FKRP: variants seen among roughly 807,000 people sequenced by gnomAD.
The protein encoded by FKRP is ribitol 5-phosphate transferase FKRP.
In FKRP, 25 loss-of-function variants were observed where a neutral mutation model predicts 30.6. That is an observed-to-expected ratio of 0.82 (90% confidence interval 0.60 to 1.14). The LOEUF is 1.14. Among genes scored for constraint, FKRP ranks in the 50% most tolerant of loss-of-function variants. The probability of loss-of-function intolerance (pLI) is 0.00; values close to 1 mark genes in which losing one functional copy is unlikely to be tolerated. For synonymous variants in FKRP, 358 were observed against 342.5 expected (o/e 1.05, Z -0.50); for missense variants, 771 against 727.8 (o/e 1.06, Z -0.68).
At chr19:46,745,021 T>C (rs2054550957), upstream of FKRP, among the ~76,000 whole-genome samples, 2 of 150,956 alleles carry the variant, frequency 1.3e-5, no homozygotes, top group African/African-American at 2.4e-5. Flanking sequence ...CACAAACATA[T>C]CCCCTTCCCC....
Position 46,755,948 on chromosome 19 carries a change from C to T in FKRP, c.498C>T (p.Ala166=), listed in dbSNP as rs763245394. ...CCCCGGTTGCCACGGCCAACCCTGC[C>T]AGGTGCCTGGCCCTGAACGTCAGCC... is the stretch of plus-strand genomic sequence containing the variant. ...VAAPVATANP[A]RCLALNVSLR... The change falls in exon 4 of 4, where the codon GCC becomes GCT. Residue 166 remains alanine (A), a synonymous_variant. Transcript: ENST00000318584. The T allele has an allele frequency of 6.5e-7, 1 of 1,535,572 alleles. No homozygotes were observed.
intron 2 of FKRP, 77 bp downstream of exon 2, chr19:46,748,165 TCA>T (rs1174699981): frequency 2.0e-5 from 3 of 152,186 alleles, no homozygotes; most frequent in Admixed American, 6.6e-5. Context: ...CCCATGTCTC[TCA>T]TTTTTTTCTT....
chr19:46,757,053 A>T lies in FKRP; in HGVS notation c.*115A>T. 7.2e-7 allele frequency: 1 copy of T among 1,382,588 alleles called. No homozygotes were observed. Among genetic ancestry groups the T allele is most frequent in the Non-Finnish European group, 1.0e-6 (1 of 992,918 alleles). 85.6% of individuals were successfully genotyped at this position (1,382,588 alleles called of 1,614,324 possible). ...GAGAGGGGAAGGGGGAAACTGACCA[A>T]GAAAGAAATTCTAAGGAGAGCATGA... is the stretch of plus-strand genomic sequence containing the variant. On this transcript the variant is annotated 3_prime_UTR_variant, in exon 4 of 4. Coordinates refer to ENST00000318584, the MANE Select transcript of FKRP (RefSeq NM_024301.5).
chr19:46,746,796 A>C (rs1374995131), intron 1 of FKRP: 1 of 152,082 alleles, frequency 6.6e-6, no homozygotes, highest in Non-Finnish European at 1.5e-5. Context: ...TCTCCTGGAC[A>C]ATTACTTTTA....
At position 46,757,087 on chromosome 19, in the gene FKRP, T is replaced by C; in HGVS notation, c.*149T>C. On this transcript the variant is annotated 3_prime_UTR_variant, in exon 4 of 4. Coordinates refer to ENST00000318584, the MANE Select transcript of FKRP (RefSeq NM_024301.5). ...TTCTAAGGAGAGCATGAGAGAAGGCTGGCATTGGCAGGAGGAGAGCACCAG... is the reference window on the plus strand; with the variant it reads ...TTCTAAGGAGAGCATGAGAGAAGGCCGGCATTGGCAGGAGGAGAGCACCAG... The C allele has an allele frequency of 9.3e-7, 1 of 1,079,478 alleles. No individual in the cohort carries two copies. The highest frequency in any genetic ancestry group is 1.4e-6 in the Non-Finnish European group (1 of 727,822). The allele number at this position is 1,079,478 out of a possible 1,614,324, so 66.9% of individuals were successfully genotyped here.
rs1275594655 is a variant in FKRP, at chr19:46,748,500, A to G, written c.-190-15A>G. On this transcript the variant is annotated splice_polypyrimidine_tract_variant and intron_variant, in intron 2 of 3. Transcript: ENST00000318584. Reference sequence around the variant, plus strand: ...CCTCTCATTTTTTTCTAACCGTCACATTCCCATTCCACAGGTGCAGGGACT... The same window carrying G: ...CCTCTCATTTTTTTCTAACCGTCACGTTCCCATTCCACAGGTGCAGGGACT... The G allele has an allele frequency of 1.3e-5, 2 of 152,102 alleles. No individual in the cohort carries two copies. The highest frequency in any genetic ancestry group is 2.9e-5 in the Non-Finnish European group (2 of 68,026). 9.4% of individuals were successfully genotyped at this position (152,102 alleles called of 1,614,324 possible).
rs771770302 is a variant in FKRP, at chr19:46,756,011, C to A, written c.561C>A (p.Ala187=). The A allele has an allele frequency of 3.2e-6, 5 of 1,567,632 alleles. No homozygotes were observed. The South Asian group carries it at 5.8e-5, about 18-fold the overall frequency. The change falls in exon 4 of 4, where the codon GCC becomes GCA. Residue 187 remains alanine, a synonymous_variant. Transcript: ENST00000318584. The surrounding 1 kb of genome is among the most constrained non-coding windows in gnomAD (Gnocchi z 6.6). The part of the protein sequence containing the change: ...EWTARYGAAP[A]APRCDALDGD... Reference sequence around the variant, plus strand: ...CCGCCCGCTATGGCGCAGCCCCCGCCGCGCCCCGCTGCGACGCCCTGGACG... The same window carrying A: ...CCGCCCGCTATGGCGCAGCCCCCGCAGCGCCCCGCTGCGACGCCCTGGACG...
In FKRP at chr19:46,746,347, G is replaced by C. The variant is rs556058819; in HGVS notation, c.-253+257G>C. 3,558 of 1,265,732 alleles carry C rather than the reference G, an allele frequency of 2.8e-3. 84 individuals are homozygous for C. In the East Asian group the frequency reaches 0.048, roughly 17 times the overall value. The allele number at this position is 1,265,732 out of a possible 1,614,324, so 78.4% of individuals were successfully genotyped here. Reference sequence around the variant, plus strand: ...GGGCGGAGACCGGGGCCGCCCCAGTGGGGCCAGGGCCCGCGCCTGAGCCGA... The same window carrying C: ...GGGCGGAGACCGGGGCCGCCCCAGTCGGGCCAGGGCCCGCGCCTGAGCCGA... On this transcript the variant is annotated intron_variant, in intron 1 of 3. Transcript: ENST00000318584.
At chr19:46,751,353 T>A (rs930629719) in intron 3 of FKRP, among the ~76,000 whole-genome samples, 2 of 151,520 alleles carry the variant, frequency 1.3e-5, no homozygotes, top group African/African-American at 4.9e-5. Flanking sequence ...TGTGAGCCAC[T>A]GCACCTGGCC....
chr19:46,750,356 A>G (rs1400950913), intron 3 of FKRP, among the ~76,000 whole-genome samples: 3 of 152,134 alleles, frequency 2.0e-5, no homozygotes, highest in Non-Finnish European at 4.4e-5. Context: ...GCGAGGGCCA[A>G]GAGTTGTGCT....
chr19:46,756,675 G>A lies in FKRP; in HGVS notation c.1225G>A (p.Glu409Lys). Residue 409 changes from glutamate to lysine, a missense_variant, in exon 4 of 4, where the codon GAA (glutamate) becomes AAA (lysine). Physicochemically the swap from Glu to Lys is moderately conservative, Grantham distance 56 (BLOSUM62 1). Coordinates refer to ENST00000318584, the MANE Select transcript of FKRP (RefSeq NM_024301.5). The surrounding 1 kb of genome is among the most constrained non-coding windows in gnomAD (Gnocchi z 6.6). ...CGACTTTTTCCGCGTGCAGTACAGC[G>A]AAAGCAACCACTTGCACGTGGACCT... ...EGDFFRVQYS[E>K]SNHLHVDLWP... The A allele has an allele frequency of 6.2e-7, 1 of 1,613,404 alleles. No individual in the cohort carries two copies. Among genetic ancestry groups the A allele is most frequent in the Non-Finnish European group, 8.5e-7 (1 of 1,179,814 alleles).
Position 46,750,924 on chromosome 19 carries a change from A to T in FKRP, c.-40+2259A>T, listed in dbSNP as rs1368640172. Among the ~76,000 whole-genome samples, 5 of 152,252 alleles carry T rather than the reference A, an allele frequency of 3.3e-5. No homozygotes were observed. In the East Asian group the frequency reaches 9.7e-4, roughly 29 times the overall value. On this transcript the variant is annotated intron_variant, in intron 3 of 3. Transcript: ENST00000318584. ...CCAAGCACTGAGCTGTGCTCTGGGGATACAGTAGGGAAGAAAACAGATTCC... is the reference window on the plus strand; with the variant it reads ...CCAAGCACTGAGCTGTGCTCTGGGGTTACAGTAGGGAAGAAAACAGATTCC...
In FKRP at chr19:46,757,024, C is replaced by T. The variant is rs912051695; in HGVS notation, c.*86C>T. 2.6e-6 allele frequency: 4 copies of T among 1,539,758 alleles called. No homozygotes were observed. Among genetic ancestry groups the T allele is most frequent in the Non-Finnish European group, 8.9e-7 (1 of 1,124,520 alleles). On this transcript the variant is annotated 3_prime_UTR_variant, in exon 4 of 4. Coordinates refer to ENST00000318584, the MANE Select transcript of FKRP (RefSeq NM_024301.5). ...TGAGCGGTGAGGGGTGGAGGGATGT[C>T]GCGGAGAGGGGAAGGGGGAAACTGA...
In FKRP at chr19:46,756,279, G is replaced by C. The variant is rs772140465; in HGVS notation, c.829G>C (p.Val277Leu). The C allele has an allele frequency of 1.2e-5, 18 of 1,519,718 alleles. No homozygotes were observed. In the South Asian group the frequency reaches 2.2e-4, roughly 19 times the overall value. 94.1% of individuals were successfully genotyped at this position (1,519,718 alleles called of 1,614,324 possible). A position where few individuals can be genotyped will look rare whatever the true frequency, so the allele number is the denominator to read the frequency against. ...ALLRALGIRLVSWEGGRLEWF... is the reference protein window; with the variant it reads ...ALLRALGIRLLSWEGGRLEWF... ...GCTCCGCGCGCTGGGCATCCGCCTA[G>C]TGAGCTGGGAAGGCGGGCGGCTGGA... The change falls in exon 4 of 4, where the codon GTG (valine) becomes CTG (leucine). Residue 277 changes from valine (V) to leucine (L), a missense_variant. By Grantham distance (32) the Val-to-Leu change is conservative. Coordinates refer to ENST00000318584, the MANE Select transcript of FKRP (RefSeq NM_024301.5). This position sits in a 1 kb window ranked among gnomAD's most constrained non-coding sequence, Gnocchi z 6.6.
intron 3 of FKRP, among the ~76,000 whole-genome samples, chr19:46,754,798 G>T (rs2054873262): frequency 6.6e-6 from 1 of 151,980 alleles, no homozygotes; most frequent in South Asian, 2.1e-4. Flanking sequence ...TAGAGATGGG[G>T]TTTCACCGTG....
intron 1 of FKRP, 52 bp from the exon 2 acceptor site, chr19:46,747,975 T>C (rs1270383020): frequency 6.6e-6 from 1 of 152,196 alleles, no homozygotes; most frequent in Non-Finnish European, 1.5e-5. Flanking sequence ...GAAATTGTGC[T>C]CTATTGTACG....
Position 46,746,059 on chromosome 19 carries a change from T to A in FKRP, c.-284T>A. The A allele has an allele frequency of 1.1e-4, 100 of 927,910 alleles. No homozygotes were observed. Among genetic ancestry groups the A allele is most frequent in the East Asian group, 1.1e-4 (2 of 17,666 alleles). 57.5% of individuals were successfully genotyped at this position (927,910 alleles called of 1,614,324 possible). A position where few individuals can be genotyped will look rare whatever the true frequency, so the allele number is the denominator to read the frequency against. ...CCCCCGCCGGCCGTCCCGGCGGCCA[T>A]TGCTCCAAGATGGCGGCGGCGGCGG... On this transcript the variant is annotated 5_prime_UTR_variant, in exon 1 of 4. It adds an upstream start codon to the 5' untranslated region. Coordinates refer to ENST00000318584, the MANE Select transcript of FKRP (RefSeq NM_024301.5).
Position 46,755,427 on chromosome 19 carries a change from C to G in FKRP, c.-24C>G. ...CCTCCCCCAGGATGCCCCGGAGGCC[C>G]AGCTAGCCCCAGACTTCGGCCCCAT... On this transcript the variant is annotated 5_prime_UTR_variant, in exon 4 of 4. Transcript: ENST00000318584. 1 of 1,594,812 alleles carries G rather than the reference C, an allele frequency of 6.3e-7. No homozygotes were observed.
chr19:46,755,969 C>A lies in FKRP; in HGVS notation c.519C>A (p.Val173=). The part of the protein sequence containing the change: ...ANPARCLALN[V]SLREWTARYG... The stretch of plus-strand genomic sequence containing the variant: ...CTGCCAGGTGCCTGGCCCTGAACGT[C>A]AGCCTGCGAGAGTGGACCGCCCGCT... Residue 173 remains valine (V), a synonymous_variant, in exon 4 of 4, where the codon GTC becomes GTA. Coordinates refer to ENST00000318584, the MANE Select transcript of FKRP (RefSeq NM_024301.5). 6.5e-7 allele frequency: 1 copy of A among 1,539,676 alleles called. No homozygotes were observed. The highest frequency in any genetic ancestry group is 8.7e-7 in the Non-Finnish European group (1 of 1,149,352).
Sources: gnomAD v4.1 joint callset for allele counts (sites outside exome capture counted in the v4.1 genomes callset) on GRCh38, gnomAD v4.1.1 for gene constraint, Gnocchi (gnomAD v3.1) non-coding constraint, MANE v1.5 for transcripts, NCBI Gene and HGNC (gene_info 2026-07-23, HGNC 2026-07-21) for gene names.